NCALD: variants seen among roughly 807,000 people sequenced by gnomAD.
The protein encoded by NCALD is neurocalcin-delta.
In NCALD, 10 loss-of-function variants were observed where a neutral mutation model predicts 18.6. The observed-to-expected ratio is 0.54, with a 90% CI of 0.33 to 0.91. The LOEUF (loss-of-function observed/expected upper bound fraction) is 0.91, where lower values mean the gene tolerates loss of function less well. Among genes scored for constraint, NCALD ranks in the 40% least tolerant of loss-of-function variants. The pLI is 0.03. For synonymous variants in NCALD, 88 were observed against 87.4 expected, an observed-to-expected ratio of 1.01 and a Z score of -0.04; for missense variants, 184 against 247.6, an observed-to-expected ratio of 0.74 and a Z score of 1.72.
chr8:101,781,863 A>G lies in NCALD; in HGVS notation c.-20+8999T>C, dbSNP rs188645747. Among the ~76,000 whole-genome samples, 110 of 152,038 alleles carry G rather than the reference A, an allele frequency of 7.2e-4. 4 individuals carry two copies. Among genetic ancestry groups the G allele is most frequent in the Admixed American group, 6.4e-3 (98 of 15,256 alleles). The stretch of plus-strand genomic sequence containing the variant: ...GTATAATTTATAATATTTTTCTTAA[A>G]GATGGCATGCTCTGGTTAAGAACAT... On this transcript the variant is annotated intron_variant, in intron 1 of 3. Transcript: ENST00000220931.
intron 1 of NCALD, among the ~76,000 whole-genome samples, chr8:101,776,367 G>T (rs569970210): frequency 6.6e-6 from 1 of 152,212 alleles, no homozygotes; most frequent in African/African-American, 2.4e-5. Flanking sequence ...TCAGGTACCT[G>T]CTTTGTGAAT....
intron 1 of NCALD, among the ~76,000 whole-genome samples, chr8:102,056,875 C>G (rs1038666062): frequency 6.6e-6 from 1 of 152,200 alleles, no homozygotes; most frequent in Non-Finnish European, 1.5e-5. Context: ...TCACTGAGTA[C>G]TCATGCTGAG....
intron 1 of NCALD, among the ~76,000 whole-genome samples, chr8:102,090,077 GAAA>G (rs939695758): frequency 2.6e-5 from 4 of 152,162 alleles, no homozygotes; most frequent in African/African-American, 9.7e-5. Flanking sequence ...ATATAAAGGT[GAAA>G]ATTGGCTTAT....
chr8:101,963,592 C>G (rs1362949994), intron 2 of NCALD, among the ~76,000 whole-genome samples: 1 of 152,122 alleles, frequency 6.6e-6, no homozygotes, highest in Non-Finnish European at 1.5e-5. Flanking sequence ...ATAATATATT[C>G]GAGTTTCTGG....
At chr8:101,766,859 G>A (rs1448002689) in intron 1 of NCALD, among the ~76,000 whole-genome samples, 3 of 152,182 alleles carry the variant, frequency 2.0e-5, no homozygotes, top group East Asian at 1.9e-4. Flanking sequence ...GATTACAAGC[G>A]TAAGTCACTG....
At chr8:101,825,056 A>G (rs780762662) in intron 4 of NCALD, among the ~76,000 whole-genome samples, 24 of 152,166 alleles carry the variant, frequency 1.6e-4, no homozygotes, top group Non-Finnish European at 3.2e-4. Context: ...ATACCCCCAC[A>G]ACTGACCCAG....
At chr8:101,825,576 C>CA (rs1306293249) in intron 4 of NCALD, among the ~76,000 whole-genome samples, 2 of 152,190 alleles carry the variant, frequency 1.3e-5, no homozygotes, top group African/African-American at 4.8e-5. Context: ...TGTTGGGCCT[C>CA]CAGTTAACTC....
intron 2 of NCALD, among the ~76,000 whole-genome samples, chr8:101,966,631 A>G (rs1029904388): frequency 8.5e-5 from 13 of 152,198 alleles, no homozygotes; most frequent in Middle Eastern, 6.8e-3. Flanking sequence ...TTAAAGTATA[A>G]TAATAATAAA....
intron 1 of NCALD, among the ~76,000 whole-genome samples, chr8:101,755,228 CA>C (rs1339862549): frequency 6.6e-6 from 1 of 152,216 alleles, no homozygotes; most frequent in Non-Finnish European, 1.5e-5. Context: ...CTTCAAAATA[CA>C]AATGACTCTA....
chr8:101,706,829 T>C (rs950545430), intron 2 of NCALD, among the ~76,000 whole-genome samples: 1 of 152,240 alleles, frequency 6.6e-6, no homozygotes, highest in East Asian at 1.9e-4. Context: ...GTTTGCCAGA[T>C]ACCATACTTG....
intron 2 of NCALD, among the ~76,000 whole-genome samples, chr8:102,004,620 C>T (rs1358124196): frequency 1.3e-5 from 2 of 152,134 alleles, no homozygotes; most frequent in Non-Finnish European, 2.9e-5. Context: ...CACTACCTGA[C>T]TTCAAACTAT....
At chr8:101,972,124 T>A (rs7002630) in intron 2 of NCALD, among the ~76,000 whole-genome samples, 76,995 of 151,916 alleles carry the variant, frequency 0.51, 19,617 homozygotes, top group South Asian at 0.6. Flanking sequence ...CTGACATGCA[T>A]ATTTAAACTT....
chr8:101,772,063 AC>A (rs1811604683), intron 1 of NCALD, among the ~76,000 whole-genome samples: 1 of 152,170 alleles, frequency 6.6e-6, no homozygotes, highest in Non-Finnish European at 1.5e-5. Context: ...AGAGTTCTAC[AC>A]ACCCCTGAGA....
intron 1 of NCALD, among the ~76,000 whole-genome samples, chr8:102,095,255 G>A (rs1269564738): frequency 6.6e-6 from 1 of 152,160 alleles, no homozygotes; most frequent in Non-Finnish European, 1.5e-5. Flanking sequence ...ATAGAGGGTG[G>A]CAGATGGAGT....
At chr8:101,751,725 C>A (rs771356772) in intron 1 of NCALD, among the ~76,000 whole-genome samples, 24 of 152,142 alleles carry the variant, frequency 1.6e-4, no homozygotes, top group Non-Finnish European at 2.6e-4. Flanking sequence ...TGGCAAAGAG[C>A]ACTTACTAAG....
At chr8:101,917,278 G>T (rs34561956) in intron 2 of NCALD, among the ~76,000 whole-genome samples, 6,895 of 152,046 alleles carry the variant, frequency 0.045, 243 homozygotes, top group African/African-American at 0.1. Context: ...CAGAAATCAA[G>T]AAATTCTTTG....
At chr8:101,873,134 A>G (rs1315293677) in intron 4 of NCALD, among the ~76,000 whole-genome samples, 1 of 152,214 alleles carries the variant, frequency 6.6e-6, no homozygotes, top group Non-Finnish European at 1.5e-5. Context: ...TTTTTAAGCC[A>G]GCAAAATACC....
At chr8:101,703,504 A>G (rs1815369120) in intron 2 of NCALD, among the ~76,000 whole-genome samples, 1 of 152,176 alleles carries the variant, frequency 6.6e-6, no homozygotes, top group Admixed American at 6.5e-5. Context: ...TCCCACCCGA[A>G]GCAGCAGCAA....
intron 1 of NCALD, among the ~76,000 whole-genome samples, chr8:102,122,280 A>C (rs1012921394): frequency 2.6e-5 from 4 of 152,188 alleles, no homozygotes; most frequent in Non-Finnish European, 5.9e-5. Flanking sequence ...TTGGGAGATG[A>C]GGTTAATGAA....
Sources: allele counts gnomAD v4.1 joint callset (sites outside exome capture counted in the v4.1 genomes callset), GRCh38; gene constraint gnomAD v4.1.1; transcripts MANE v1.5; gene names NCBI Gene and HGNC (gene_info 2026-07-23, HGNC 2026-07-21).